SEMA4D: variants seen among roughly 807,000 people sequenced by gnomAD.
SEMA4D encodes semaphorin 4D.
In SEMA4D, 22 loss-of-function variants were observed where a neutral mutation model predicts 74.8. The ratio of observed to expected loss-of-function variants is 0.29; its 90% CI spans 0.21 to 0.42. The LOEUF (loss-of-function observed/expected upper bound fraction) is 0.42. Ranked by LOEUF, SEMA4D falls within the 10% of genes least tolerant of loss-of-function variation. The probability of loss-of-function intolerance (pLI) is 1.00; values close to 1 mark genes in which losing one functional copy is unlikely to be tolerated. For missense variants in SEMA4D, 937 were observed against 1,118.4 expected (o/e 0.84, Z 2.31); for synonymous variants, 445 against 463.7 (o/e 0.96, Z 0.52).
At position 89,479,056 on chromosome 9, in the gene SEMA4D, G is replaced by A. The variant is rs189103319; in HGVS notation, c.-310+18863C>T. On this transcript the variant is annotated intron_variant, in intron 1 of 15. Coordinates refer to ENST00000422704, the MANE Select transcript of SEMA4D (RefSeq NM_001371194.2). ...ACTTATCAGGGCCCTGAGTGGAGGGGACTGAATACCAGGGCTGCCCACTGG... is the reference window on the plus strand; with the variant it reads ...ACTTATCAGGGCCCTGAGTGGAGGGAACTGAATACCAGGGCTGCCCACTGG... 2.9e-3 allele frequency among the ~76,000 whole-genome samples: 440 copies of A among 152,314 alleles called. 2 individuals carry two copies. The highest frequency in any genetic ancestry group is 9.7e-3 in the African/African-American group (404 of 41,558).
chr9:89,406,272 G>C (rs961406103), intron 2 of SEMA4D, among the ~76,000 whole-genome samples: 1 of 152,174 alleles, frequency 6.6e-6, no homozygotes, highest in Non-Finnish European at 1.5e-5. Flanking sequence ...GCCTCACCAC[G>C]CAGGAGTGTC....
At chr9:89,495,507 G>C (rs573006307) in intron 1 of SEMA4D, among the ~76,000 whole-genome samples, 1 of 152,050 alleles carries the variant, frequency 6.6e-6, no homozygotes, top group Admixed American at 6.5e-5. Flanking sequence ...AGCCCAGGGC[G>C]GACCCTGGCC....
intron 2 of SEMA4D, among the ~76,000 whole-genome samples, chr9:89,410,965 T>C (rs987841393): frequency 6.6e-6 from 1 of 152,192 alleles, no homozygotes; most frequent in African/African-American, 2.4e-5. Flanking sequence ...AACCTACAAG[T>C]TCTCAAATGT....
chr9:89,408,918 C>T (rs1843901719), intron 2 of SEMA4D, among the ~76,000 whole-genome samples: 1 of 152,230 alleles, frequency 6.6e-6, no homozygotes, highest in African/African-American at 2.4e-5. Flanking sequence ...GGTCCATACA[C>T]ACAAAAGAAA....
rs1839123361 is a variant in SEMA4D at position 89,388,724 on chromosome 9, C to T, written c.1019G>A (p.Gly340Glu). 1 of 1,610,912 alleles carries T rather than the reference C, an allele frequency of 6.2e-7. No homozygotes were observed. The highest frequency in any genetic ancestry group is 8.5e-7 in the Non-Finnish European group (1 of 1,179,264). ...CACTGTGGTGCTCTGCATGTACTTCCCGTGGGAGAAGACCTCCTCGGCTGT... is the reference window on the plus strand; with the variant it reads ...CACTGTGGTGCTCTGCATGTACTTCTCGTGGGAGAAGACCTCCTCGGCTGT... Reference protein sequence around the residue: ...LSTAEEVFSHGKYMQSTTVEQ... With the variant: ...LSTAEEVFSHEKYMQSTTVEQ... The change falls in exon 11 of 16, where the codon GGG becomes GAG. Residue 340 changes from glycine to glutamate, a missense_variant. Transcript: ENST00000422704.
intron 1 of SEMA4D, among the ~76,000 whole-genome samples, chr9:89,461,859 C>T (rs530466672): frequency 5.3e-5 from 8 of 151,930 alleles, no homozygotes; most frequent in South Asian, 2.1e-4. Flanking sequence ...TGCGCCACTA[C>T]GCCCGGCTAA....
intron 1 of SEMA4D, among the ~76,000 whole-genome samples, chr9:89,483,929 T>C (rs1348102422): frequency 6.6e-6 from 1 of 152,240 alleles, no homozygotes; most frequent in African/African-American, 2.4e-5. Context: ...GTTTCAAACA[T>C]AACACTGAAT....
rs1425865225 is a variant in SEMA4D at position 89,420,666 on chromosome 9, C to T, written c.-243-14967G>A. On this transcript the variant is annotated intron_variant, in intron 2 of 15. Coordinates refer to ENST00000422704, the MANE Select transcript of SEMA4D (RefSeq NM_001371194.2). ...CTGGGCGTACTCCCTAAGCAGGGAC[C>T]TGGTGTTCTTCAGCACACAGAGAAG... is the stretch of plus-strand genomic sequence containing the variant. Among the ~76,000 whole-genome samples, 4 of 152,350 alleles carry T rather than the reference C, an allele frequency of 2.6e-5. No homozygotes were observed. The South Asian group carries it at 6.2e-4, about 24-fold the overall frequency.
chr9:89,462,522 T>G (rs567780968), intron 1 of SEMA4D, among the ~76,000 whole-genome samples: 1 of 152,186 alleles, frequency 6.6e-6, no homozygotes, highest in Non-Finnish European at 1.5e-5. Flanking sequence ...CTGTGTTTTC[T>G]GTACAAAATA....
intron 2 of SEMA4D, among the ~76,000 whole-genome samples, chr9:89,445,297 G>A (rs73486198): frequency 0.034 from 5,106 of 152,276 alleles, 174 homozygotes; most frequent in Middle Eastern, 0.088. Flanking sequence ...TCCAGAGCAT[G>A]GCCAGGGTAT....
rs1423947555 is a variant in SEMA4D at position 89,485,811 on chromosome 9, A to G, written c.-310+12108T>C. ...CTCAAAAAAAAAAAAAAAAAAAAAA[A>G]AAAGAAAAAAAAAAAACCACTAACC... On this transcript the variant is annotated intron_variant, in intron 1 of 15. Transcript: ENST00000422704. Among the ~76,000 whole-genome samples the G allele has an allele frequency of 8.2e-5, 9 of 109,782 alleles. No individual in the cohort carries two copies. The South Asian group carries it at 9.7e-4, about 12-fold the overall frequency. The allele number at this position is 109,782 out of a possible 152,430, so 72.0% of individuals were successfully genotyped here.
At chr9:89,467,167 C>T (rs753639795) in intron 1 of SEMA4D, among the ~76,000 whole-genome samples, 5 of 152,200 alleles carry the variant, frequency 3.3e-5, no homozygotes, top group African/African-American at 4.8e-5. Context: ...CTGGTGGCCA[C>T]ACAAGGACAT....
chr9:89,469,695 T>G (rs1859691293), intron 1 of SEMA4D, among the ~76,000 whole-genome samples: 1 of 152,138 alleles, frequency 6.6e-6, no homozygotes, highest in Admixed American at 6.5e-5. Context: ...AAAATGCATT[T>G]AAAAAATTCA....
At chr9:89,474,027 A>G (rs985312440) in intron 1 of SEMA4D, among the ~76,000 whole-genome samples, 1 of 152,056 alleles carries the variant, frequency 6.6e-6, no homozygotes, top group African/African-American at 2.4e-5. Flanking sequence ...GACGGGTACC[A>G]TGCCCACAGC....
At chr9:89,485,170 C>G (rs72750935) in intron 1 of SEMA4D, among the ~76,000 whole-genome samples, 3,368 of 152,282 alleles carry the variant, frequency 0.022, 66 homozygotes, top group South Asian at 0.076. Context: ...TGGACATGGT[C>G]TAGTGCTTTC....
intron 4 of SEMA4D, among the ~76,000 whole-genome samples, chr9:89,402,258 C>T (rs35881835): frequency 0.22 from 32,872 of 152,050 alleles, 3,772 homozygotes; most frequent in Non-Finnish European, 0.25. Context: ...ATGGGCTGTG[C>T]AGAGTAGCTT....
At chr9:89,401,045 G>A (rs1842111298) in intron 4 of SEMA4D, among the ~76,000 whole-genome samples, 2 of 152,188 alleles carry the variant, frequency 1.3e-5, no homozygotes, top group Non-Finnish European at 2.9e-5. Context: ...GTGCCTCACA[G>A]TGCTGAATAC....
chr9:89,457,751 A>AGGG (rs1199015383), intron 1 of SEMA4D, among the ~76,000 whole-genome samples: 1 of 150,118 alleles, frequency 6.7e-6, no homozygotes, highest in African/African-American at 2.5e-5. Flanking sequence ...AACAAAAAAC[A>AGGG]GGCCAGGCAC....
chr9:89,387,301 A>G (rs144023891), intron 12 of SEMA4D, 85 bp downstream of exon 12: 8 of 1,218,632 alleles, frequency 6.6e-6, no homozygotes, highest in African/African-American at 3.0e-5. Context: ...ACTACTCACG[A>G]AAGAATAATT....
Sources: allele counts gnomAD v4.1 joint callset (sites outside exome capture counted in the v4.1 genomes callset), GRCh38; gene constraint gnomAD v4.1.1; transcripts MANE v1.5; gene names NCBI Gene and HGNC (gene_info 2026-07-23, HGNC 2026-07-21).